Variants in HS1BP3 observed in about 807,000 individuals in gnomAD.
HS1BP3 encodes HCLS1 binding protein 3.
HS1BP3 carries 32 observed loss-of-function variants against 33.5 expected under a neutral mutation model. That is an observed-to-expected ratio of 0.95 (90% CI 0.72 to 1.28). The LOEUF is 1.28. Among genes scored for constraint, HS1BP3 ranks in the 50% most tolerant of loss-of-function variants. The pLI is 0.00. For synonymous variants in HS1BP3, 187 were observed against 209.2 expected, an observed-to-expected ratio of 0.89 and a Z score of 0.92; for missense variants, 486 against 502.3, an observed-to-expected ratio of 0.97 and a Z score of 0.31.
chr2:20,561,543 C>A (rs553150777), intron 5 of HS1BP3, among the ~76,000 whole-genome samples: 156 of 152,196 alleles, frequency 1.0e-3, no homozygotes, highest in African/African-American at 3.7e-3. Context: ...TACAACCCCT[C>A]CCCACCTGCA....
At chr2:20,561,824 TGAC>T (rs1445581500) in intron 5 of HS1BP3, among the ~76,000 whole-genome samples, 1 of 152,138 alleles carries the variant, frequency 6.6e-6, no homozygotes, top group Non-Finnish European at 1.5e-5. Context: ...TGGTGACTCA[TGAC>T]TTGGGGGCCC....
At position 20,593,954 on chromosome 2, in the gene HS1BP3, G is replaced by A. The variant is rs562982751; in HGVS notation, c.*13-1160C>T. 2.6e-5 allele frequency among the ~76,000 whole-genome samples: 4 copies of A among 152,356 alleles called. No individual in the cohort carries two copies. In the East Asian group the frequency reaches 7.7e-4, roughly 29 times the overall value. Reference sequence around the variant, plus strand: ...AACTTCCCTGATGAAAACCACCACAGCCTCCATTTCAGAAGAGGGACGTGG... The same window carrying A: ...AACTTCCCTGATGAAAACCACCACAACCTCCATTTCAGAAGAGGGACGTGG... On this transcript the variant is annotated intron_variant, in intron 3 of 3. Coordinates refer to the HS1BP3 transcript ENST00000415264.
chr2:20,645,507 T>C lies in HS1BP3; in HGVS notation c.33-2A>G. ...CCAGTGTGGGCATTCTGAAGTCGCC[T>C]GCCAGGGGAAAAGAAGGCAGGTGGG... On this transcript the variant is annotated splice_acceptor_variant, in intron 1 of 6. Transcript: ENST00000304031. LOFTEE classifies it high-confidence loss of function. 3 of 1,610,936 alleles carry C rather than the reference T, an allele frequency of 1.9e-6. No individual in the cohort carries two copies. The South Asian group carries it at 3.3e-5, about 18-fold the overall frequency.
intron 2 of HS1BP3, 61 bp downstream of exon 2, chr2:20,645,279 G>A (rs1695481345): frequency 6.5e-7 from 1 of 1,528,658 alleles, no homozygotes; most frequent in Non-Finnish European, 8.9e-7. Context: ...GTGGGCAGAT[G>A]TGTCTGCCCG....
chr2:20,568,168 T>C (rs1693180884), intron 5 of HS1BP3, among the ~76,000 whole-genome samples: 1 of 152,108 alleles, frequency 6.6e-6, no homozygotes, highest in Non-Finnish European at 1.5e-5. Context: ...CCAAGTCAGT[T>C]CTAGCAGGAG....
At position 20,611,269 on chromosome 2, in the gene HS1BP3, G is replaced by A. The variant is rs879714061; in HGVS notation, c.178+12627C>T. Among the ~76,000 whole-genome samples the A allele has an allele frequency of 9.2e-5, 14 of 152,196 alleles. No homozygotes were observed. The highest frequency in any genetic ancestry group is 1.5e-4 in the Non-Finnish European group (10 of 68,046). On this transcript the variant is annotated intron_variant, in intron 2 of 3. Transcript: ENST00000415264. This position sits in a 1 kb window ranked among gnomAD's most constrained non-coding sequence, Gnocchi z 4.9. ...ATGAATAATGTTGCTGTGAACATTC[G>A]TGTCTAAGTCTTTGTGTGTGTGGCT...
rs962398453 is a variant in HS1BP3, at chr2:20,571,408, G to A, written c.303-10893C>T. Among the ~76,000 whole-genome samples the A allele has an allele frequency of 8.5e-5, 13 of 152,296 alleles. No homozygotes were observed. The South Asian group carries it at 1.2e-3, about 15-fold the overall frequency. ...CAGACTCTTGGAGCCAGAGGCCTGT[G>A]AGGCAGCCCGGGCCTGTTCCCTCTC... On this transcript the variant is annotated intron_variant, in intron 5 of 5. Coordinates refer to the HS1BP3 transcript ENST00000446825.
In HS1BP3 at chr2:20,618,649, C is replaced by A. The variant is rs374604117; in HGVS notation, c.*338G>T. The A allele has an allele frequency of 7.0e-5, 78 of 1,113,850 alleles. No individual in the cohort carries two copies. Among genetic ancestry groups the A allele is most frequent in the Non-Finnish European group, 8.4e-5 (76 of 903,688 alleles). The allele number at this position is 1,113,850 out of a possible 1,614,324, so 69.0% of individuals were successfully genotyped here. ...TGAAGCTTCCCTGCCCCATGTGACA[C>A]CTCGCTACGGCCCCACATGTCTTGC... On this transcript the variant is annotated 3_prime_UTR_variant, in exon 7 of 7. Coordinates refer to ENST00000304031, the MANE Select transcript of HS1BP3 (RefSeq NM_022460.4).
At chr2:20,622,117 C>A in intron 6 of HS1BP3, 13 of 1,182,608 alleles carry the variant, frequency 1.1e-5, no homozygotes, top group Non-Finnish European at 1.3e-5. Flanking sequence ...CAGTGTACAC[C>A]CCACGCGGCC....
At chr2:20,643,709 C>G (rs1046195062) in intron 2 of HS1BP3, among the ~76,000 whole-genome samples, 8 of 152,158 alleles carry the variant, frequency 5.3e-5, no homozygotes, top group African/African-American at 1.9e-4. Flanking sequence ...ATTGCTTAAG[C>G]CCAGCTTGAG....
At chr2:20,629,710 T>C (rs565878461) in intron 4 of HS1BP3, among the ~76,000 whole-genome samples, 4 of 152,358 alleles carry the variant, frequency 2.6e-5, no homozygotes, top group South Asian at 2.1e-4. Context: ...TCTTGTTGCA[T>C]GCACATGTGT....
chr2:20,568,541 C>T (rs1314687034), intron 5 of HS1BP3, among the ~76,000 whole-genome samples: 1 of 152,104 alleles, frequency 6.6e-6, no homozygotes, highest in Non-Finnish European at 1.5e-5. Context: ...TAACTGGGCC[C>T]TTTGTCTGGG....
rs183365296 is a variant in HS1BP3, at chr2:20,624,876, T to C, written c.640A>G (p.Lys214Glu). Residue 214 changes from lysine to glutamate, a missense_variant, in exon 5 of 7, where the codon AAA becomes GAA. Transcript: ENST00000304031. ...LGIMRSKKPKKHPKVAVKAKP... is the reference protein window; with the variant it reads ...LGIMRSKKPKEHPKVAVKAKP... The stretch of plus-strand genomic sequence containing the variant: ...GCTTTCACGGCCACTTTGGGATGTT[T>C]CTTGGGCTTCTTGGAGCTGGAGAAT... The C allele has an allele frequency of 5.1e-5, 83 of 1,613,604 alleles. No individual in the cohort carries two copies. Among genetic ancestry groups the C allele is most frequent in the Middle Eastern group, 1.7e-4 (1 of 6,054 alleles).
rs941773828 is a variant in HS1BP3, at chr2:20,611,774, C to A, written c.178+12122G>T. On this transcript the variant is annotated intron_variant, in intron 2 of 3. Transcript: ENST00000415264. This position sits in a 1 kb window ranked among gnomAD's most constrained non-coding sequence, Gnocchi z 4.9. Reference sequence around the variant, plus strand: ...TTTGTATGTGCCCATTCCCATGCCCCCCACCCCACGGTGAGGCAGCAGAAG... The same window carrying A: ...TTTGTATGTGCCCATTCCCATGCCCACCACCCCACGGTGAGGCAGCAGAAG... 6.6e-6 allele frequency among the ~76,000 whole-genome samples: 1 copy of A among 152,210 alleles called. No homozygotes were observed. Among genetic ancestry groups the A allele is most frequent in the South Asian group, 2.1e-4 (1 of 4,832 alleles).
chr2:20,568,426 G>T (rs1007561502), intron 5 of HS1BP3, among the ~76,000 whole-genome samples: 13 of 152,194 alleles, frequency 8.5e-5, no homozygotes, highest in Admixed American at 8.5e-4. Flanking sequence ...AATGGAGGAA[G>T]GGGCCAAGCC....
chr2:20,567,956 T>C (rs1175351913), intron 5 of HS1BP3, among the ~76,000 whole-genome samples: 2 of 152,182 alleles, frequency 1.3e-5, no homozygotes, highest in East Asian at 3.9e-4. Context: ...GGAGGTCATT[T>C]GAACAGTCAG....
At chr2:20,628,056 C>T (rs1436295646) in intron 4 of HS1BP3, among the ~76,000 whole-genome samples, 1 of 152,184 alleles carries the variant, frequency 6.6e-6, no homozygotes, top group Non-Finnish European at 1.5e-5. Flanking sequence ...CAGTCTCAGA[C>T]AGCGCCCTAT....
At chr2:20,605,372 A>C (rs1256101206) in intron 2 of HS1BP3, among the ~76,000 whole-genome samples, 1 of 152,156 alleles carries the variant, frequency 6.6e-6, no homozygotes, top group Non-Finnish European at 1.5e-5. Context: ...CCTGGCAGGC[A>C]AGGCCACCTT....
At chr2:20,590,498 C>T (rs189306378), downstream of HS1BP3, among the ~76,000 whole-genome samples, 1 of 152,350 alleles carries the variant, frequency 6.6e-6, no homozygotes, top group African/African-American at 2.4e-5. Flanking sequence ...AGCCCCACAG[C>T]CTCGCTCCCC....
Sources: gnomAD v4.1 joint callset for allele counts (sites outside exome capture counted in the v4.1 genomes callset) on GRCh38, gnomAD v4.1.1 for gene constraint, Gnocchi (gnomAD v3.1) non-coding constraint, MANE v1.5 for transcripts, NCBI Gene and HGNC (gene_info 2026-07-23, HGNC 2026-07-21) for gene names.